MAML2: variants seen among roughly 807,000 people sequenced by gnomAD.
MAML2 encodes the protein mastermind-like protein 2.
In MAML2, 22 loss-of-function variants were observed where a neutral mutation model predicts 96.1. That is an observed-to-expected ratio of 0.23 (90% CI 0.16 to 0.33). The LOEUF is 0.33. Ranked by LOEUF, MAML2 falls within the 10% of genes least tolerant of loss-of-function variation. MAML2 has a pLI of 1.00. For missense variants in MAML2, 1,367 were observed against 1,392.4 expected (o/e 0.98, Z 0.29); for synonymous variants, 561 against 521.3 (o/e 1.08, Z -1.04).
chr11:96,261,790 A>C, intron 1 of MAML2, among the ~76,000 whole-genome samples: 1 of 152,256 alleles, frequency 6.6e-6, no homozygotes, highest in East Asian at 1.9e-4. Context: ...TTTCAATGTT[A>C]TTGTCTAAAC....
chr11:96,220,036 G>A (rs1565252950), intron 1 of MAML2, among the ~76,000 whole-genome samples: 1 of 152,122 alleles, frequency 6.6e-6, no homozygotes, highest in African/African-American at 2.4e-5. Flanking sequence ...GACACTAAAT[G>A]GTGGCATGTT....
intron 1 of MAML2, among the ~76,000 whole-genome samples, chr11:96,283,691 C>T (rs1822065050): frequency 6.6e-6 from 1 of 152,178 alleles, no homozygotes; most frequent in South Asian, 2.1e-4. Flanking sequence ...TGAAGTCCAG[C>T]TGGATTCACA....
At chr11:96,214,291 G>A (rs1367861661) in intron 1 of MAML2, among the ~76,000 whole-genome samples, 3 of 152,252 alleles carry the variant, frequency 2.0e-5, no homozygotes, top group Middle Eastern at 6.8e-3. Flanking sequence ...TGGAGAAAAC[G>A]TTTTTGAGTC....
intron 2 of MAML2, among the ~76,000 whole-genome samples, chr11:96,082,958 G>T (rs1003947722): frequency 2.6e-5 from 4 of 152,156 alleles, no homozygotes; most frequent in African/African-American, 7.2e-5. Context: ...CATTTTTGAA[G>T]AATGCTGGGG....
At chr11:96,170,662 G>T (rs1387928597) in intron 1 of MAML2, among the ~76,000 whole-genome samples, 1 of 152,200 alleles carries the variant, frequency 6.6e-6, no homozygotes, top group Non-Finnish European at 1.5e-5. Flanking sequence ...AATGCATGGG[G>T]CTGGAAGCTG....
intron 1 of MAML2, among the ~76,000 whole-genome samples, chr11:96,120,334 C>T (rs1051331598): frequency 5.9e-5 from 9 of 152,140 alleles, no homozygotes; most frequent in Non-Finnish European, 1.3e-4. Flanking sequence ...GGTCCATGGT[C>T]CACTGCAGAT....
chr11:96,209,654 C>T (rs761339630), intron 1 of MAML2, among the ~76,000 whole-genome samples: 58 of 152,122 alleles, frequency 3.8e-4, no homozygotes, highest in Middle Eastern at 6.8e-3. Context: ...TTATTGGTAT[C>T]CTGTAACATA....
At chr11:96,121,779 G>GTTTTT (rs1405872923) in intron 1 of MAML2, among the ~76,000 whole-genome samples, 2 of 40,798 alleles carry the variant, frequency 4.9e-5, no homozygotes, top group Non-Finnish European at 9.4e-5. Flanking sequence ...CCAACTGCGT[G>GTTTTT]ATTTTTTTTT....
chr11:96,330,279 G>C (rs1263817466), intron 1 of MAML2, among the ~76,000 whole-genome samples: 1 of 152,184 alleles, frequency 6.6e-6, no homozygotes, highest in Non-Finnish European at 1.5e-5. Flanking sequence ...GAGACAAAGA[G>C]AAAGCAGGAA....
At chr11:95,992,208 G>A (rs905134497) in intron 2 of MAML2, among the ~76,000 whole-genome samples, 9 of 152,304 alleles carry the variant, frequency 5.9e-5, no homozygotes, top group African/African-American at 2.2e-4. Context: ...TTCTGTGACA[G>A]AAAGGCAGGA....
At chr11:96,129,264 C>T (rs1860503778) in intron 1 of MAML2, among the ~76,000 whole-genome samples, 2 of 152,122 alleles carry the variant, frequency 1.3e-5, no homozygotes, top group South Asian at 4.1e-4. Context: ...AAAAGATGTT[C>T]TAAAAATAAG....
At chr11:96,175,560 A>C (rs527635142) in intron 1 of MAML2, among the ~76,000 whole-genome samples, 1 of 152,242 alleles carries the variant, frequency 6.6e-6, no homozygotes, top group Admixed American at 6.5e-5. Context: ...TGCATGTAGC[A>C]ATACTTTCTG....
intron 1 of MAML2, among the ~76,000 whole-genome samples, chr11:96,109,329 G>A (rs1860080317): frequency 6.6e-6 from 1 of 152,164 alleles, no homozygotes; most frequent in South Asian, 2.1e-4. Flanking sequence ...TATGAAGATC[G>A]TGGGTAGGCA....
At chr11:96,274,077 C>CTTTTTTT (rs992096555) in intron 1 of MAML2, among the ~76,000 whole-genome samples, 59 of 91,788 alleles carry the variant, frequency 6.4e-4, no homozygotes, top group Non-Finnish European at 8.3e-4. Context: ...TTTCCTTTTC[C>CTTTTTTT]TTTTTTTTTT....
intron 1 of MAML2, among the ~76,000 whole-genome samples, chr11:96,180,530 G>A (rs1437798778): frequency 6.6e-6 from 1 of 152,182 alleles, no homozygotes; most frequent in African/African-American, 2.4e-5. Flanking sequence ...TCAGCCAACA[G>A]CCAGCAGCAA....
intron 1 of MAML2, among the ~76,000 whole-genome samples, chr11:96,235,926 C>CAAG (rs1483547877): frequency 4.6e-5 from 7 of 152,154 alleles, no homozygotes; most frequent in Non-Finnish European, 1.0e-4. Context: ...GACAAGGCAG[C>CAAG]ACATCTGCCC....
intron 3 of MAML2, among the ~76,000 whole-genome samples, chr11:95,986,747 C>G (rs1857835117): frequency 6.6e-6 from 1 of 152,166 alleles, no homozygotes. Context: ...AAAACTCAGG[C>G]TCTTTCCTGA....
At chr11:96,182,957 CTTTTTTTTTTTTTT>C (rs11301035) in intron 1 of MAML2, among the ~76,000 whole-genome samples, 2 of 108,256 alleles carry the variant, frequency 1.8e-5, no homozygotes, top group African/African-American at 6.7e-5. Context: ...CCTTTCTTTT[CTTTTTTTTTTTTTT>C]TTTTTGAGAC....
At position 96,341,890 on chromosome 11, in the gene MAML2, C is replaced by T; in HGVS notation, c.6G>A (p.Gly2=). Reference sequence around the variant, plus strand: ...CGGGGGCCTGCGGGGGCGCTGTGTCCCCCATCTTACCGGACACAATGATTG... The same window carrying T: ...CGGGGGCCTGCGGGGGCGCTGTGTCTCCCATCTTACCGGACACAATGATTG... M[G]DTAPPQAPAG... The change falls in exon 1 of 5, where the codon GGG becomes GGA. Residue 2 remains glycine (G), a synonymous_variant. Transcript: ENST00000524717. 6.6e-7 allele frequency: 1 copy of T among 1,520,496 alleles called. No homozygotes were observed. Among genetic ancestry groups the T allele is most frequent in the Non-Finnish European group, 8.8e-7 (1 of 1,137,608 alleles). The allele number at this position is 1,520,496 out of a possible 1,614,324, so 94.2% of individuals were successfully genotyped here.
Sources: gnomAD v4.1 joint callset for allele counts (sites outside exome capture counted in the v4.1 genomes callset) on GRCh38, gnomAD v4.1.1 for gene constraint, MANE v1.5 for transcripts, NCBI Gene and HGNC (gene_info 2026-07-23, HGNC 2026-07-21) for gene names.